THTPA: variants seen among roughly 807,000 people sequenced by gnomAD.
THTPA encodes thiamine triphosphatase.
Under a neutral mutation model 16.5 loss-of-function variants are expected in THTPA, and 16 were observed. That is an observed-to-expected ratio of 0.97 (90% CI 0.66 to 1.47). The LOEUF is 1.47. THTPA is among the 40% of genes most tolerant of loss of function. THTPA has a pLI of 0.00. For synonymous variants in THTPA, 110 were observed against 115.5 expected (o/e 0.95, Z 0.30); for missense variants, 281 against 280.9 (o/e 1.00, Z 0.00).
chr14:23,531,398 T>C, the THTPA span: 1 of 1,328,256 alleles, frequency 7.5e-7, no homozygotes, highest in Non-Finnish European at 9.6e-7. Context: ...CTTCCTTGTA[T>C]CTCTAACTCC....
the THTPA span, among the ~76,000 whole-genome samples, chr14:23,520,334 A>G: frequency 2.6e-5 from 4 of 151,410 alleles, no homozygotes; most frequent in South Asian, 4.2e-4. This position sits in a 1 kb window ranked among gnomAD's most constrained non-coding sequence, Gnocchi z 8.7. Context: ...GGCAGAGGAC[A>G]AGGGGGAAGA....
the THTPA span, among the ~76,000 whole-genome samples, chr14:23,547,397 G>A: frequency 6.6e-6 from 1 of 152,204 alleles, no homozygotes; most frequent in African/African-American, 2.4e-5. Flanking sequence ...TTCATGATTG[G>A]GAATGGGGTG....
At chr14:23,522,367 G>C in the THTPA span, 24 of 1,536,020 alleles carry the variant, frequency 1.6e-5, no homozygotes, top group South Asian at 2.0e-4. Context: ...TGCCAGTGCT[G>C]CCTGTCAGCA....
upstream of THTPA, chr14:23,555,584 T>A (rs890691542): frequency 3.3e-5 from 5 of 152,174 alleles, no homozygotes; most frequent in Admixed American, 3.3e-4. Context: ...TCTCACCCAC[T>A]CTTACCCTCA....
the THTPA span, among the ~76,000 whole-genome samples, chr14:23,536,106 G>A: frequency 6.6e-5 from 10 of 152,198 alleles, no homozygotes; most frequent in South Asian, 1.0e-3. Flanking sequence ...GCTGAAATCC[G>A]GGCAGCACAG....
At chr14:23,535,792 G>A in the THTPA span, among the ~76,000 whole-genome samples, 2,445 of 151,864 alleles carry the variant, frequency 0.016, 64 homozygotes, top group African/African-American at 0.055. The surrounding 1 kb of genome is among the most constrained non-coding windows in gnomAD (Gnocchi z 4.5). Context: ...GGGTTTCTCC[G>A]TGTTGGTCAG....
At chr14:23,514,379 CCAGT>C in the THTPA span, 1 of 152,682 alleles carries the variant, frequency 6.5e-6, no homozygotes, top group Admixed American at 6.5e-5. Flanking sequence ...TGGCCCCCAG[CCAGT>C]TCCCTGCTGA....
the THTPA span, chr14:23,531,951 T>C: frequency 2.4e-6 from 1 of 409,984 alleles, no homozygotes; most frequent in Non-Finnish European, 3.9e-6. Flanking sequence ...AATTTTTGTA[T>C]TTTTAGTACA....
Position 23,559,762 on chromosome 14 carries a change from T to C in THTPA, c.*922T>C. The C allele has an allele frequency of 6.2e-7, 1 of 1,614,104 alleles. No individual in the cohort carries two copies. Among genetic ancestry groups the C allele is most frequent in the Non-Finnish European group, 8.5e-7 (1 of 1,179,986 alleles). On this transcript the variant is annotated 3_prime_UTR_variant, in exon 2 of 2. Transcript: ENST00000288014. ...GAGTGGAGACAGTTACTGCCACGATTCCACAGGCAAGTTGTTCACCTCAAA... is the reference window on the plus strand; with the variant it reads ...GAGTGGAGACAGTTACTGCCACGATCCCACAGGCAAGTTGTTCACCTCAAA...
rs1882911438 is a variant in THTPA, at chr14:23,558,955, G to A, written c.*115G>A. The A allele has an allele frequency of 3.1e-6, 4 of 1,296,188 alleles. No homozygotes were observed. Among genetic ancestry groups the A allele is most frequent in the Admixed American group, 2.5e-5 (1 of 40,270 alleles). 80.3% of individuals were successfully genotyped at this position (1,296,188 alleles called of 1,614,324 possible). A position where few individuals can be genotyped will look rare whatever the true frequency, so the allele number is the denominator to read the frequency against. ...TGACAGTGACTCCTCTCTCTCCAGC[G>A]CTGCCTGTTTCTTCCCCCTCCTCTA... On this transcript the variant is annotated 3_prime_UTR_variant, in exon 2 of 2. Coordinates refer to ENST00000288014, the MANE Select transcript of THTPA (RefSeq NM_024328.6).
At chr14:23,535,413 C>T in the THTPA span, 1 of 1,397,110 alleles carries the variant, frequency 7.2e-7, no homozygotes, top group Non-Finnish European at 9.3e-7. The surrounding 1 kb of genome is among the most constrained non-coding windows in gnomAD (Gnocchi z 4.5). Flanking sequence ...TGTGAGGCTG[C>T]AGGGACCCCA....
chr14:23,527,080 C>T, the THTPA span: 1 of 1,386,038 alleles, frequency 7.2e-7, no homozygotes, highest in Non-Finnish European at 9.3e-7. Flanking sequence ...TCCCTTGCCA[C>T]AGATCCAGCC....
the THTPA span, chr14:23,524,012 G>A: frequency 6.6e-7 from 1 of 1,518,324 alleles, no homozygotes. The surrounding 1 kb of genome is among the most constrained non-coding windows in gnomAD (Gnocchi z 5.6). Flanking sequence ...GAAAGGCTGG[G>A]GCCCAGAAGC....
chr14:23,528,530 GA>G, the THTPA span: 1 of 901,940 alleles, frequency 1.1e-6, no homozygotes, highest in Non-Finnish European at 1.3e-6. Flanking sequence ...TCTTCTCTGT[GA>G]AATGGTTCCA....
chr14:23,515,635 G>T, the THTPA span, among the ~76,000 whole-genome samples: 6 of 152,164 alleles, frequency 3.9e-5, no homozygotes, highest in Non-Finnish European at 7.4e-5. Context: ...CTTTCCCAGT[G>T]ACTGGGCAGA....
At chr14:23,534,846 G>A in the THTPA span, 1 of 1,536,150 alleles carries the variant, frequency 6.5e-7, no homozygotes, top group Middle Eastern at 1.7e-4. The surrounding 1 kb of genome is among the most constrained non-coding windows in gnomAD (Gnocchi z 4.5). Context: ...AGGGGGGTGG[G>A]TAGGCAAGGA....
At chr14:23,542,936 A>T in the THTPA span, 1 of 152,074 alleles carries the variant, frequency 6.6e-6, no homozygotes, top group Non-Finnish European at 1.5e-5. Context: ...GGGTTTCACC[A>T]TGTTGTCCAG....
At chr14:23,550,057 G>A in the THTPA span, among the ~76,000 whole-genome samples, 20 of 152,198 alleles carry the variant, frequency 1.3e-4, no homozygotes, top group Non-Finnish European at 2.4e-4. Context: ...GTGGGGGAAG[G>A]GAGTAAAATT....
chr14:23,521,940 C>G, the THTPA span: 1 of 1,535,632 alleles, frequency 6.5e-7, no homozygotes, highest in Non-Finnish European at 8.7e-7. Context: ...GCCCTCCCCT[C>G]TCCCCATCTT....
Sources: gnomAD v4.1 joint callset for allele counts (sites outside exome capture counted in the v4.1 genomes callset) on GRCh38, gnomAD v4.1.1 for gene constraint, Gnocchi (gnomAD v3.1) non-coding constraint, MANE v1.5 for transcripts, NCBI Gene and HGNC (gene_info 2026-07-23, HGNC 2026-07-21) for gene names.